The following FSTL4 variants were observed in gnomAD, a reference collection of about 807,000 sequenced individuals.
FSTL4 encodes follistatin-related protein 4.
FSTL4 carries 28 observed loss-of-function variants against 78.2 expected under a neutral mutation model. That is an observed-to-expected ratio of 0.36 (90% CI 0.27 to 0.49). The LOEUF (loss-of-function observed/expected upper bound fraction) is 0.49, where lower values mean the gene tolerates loss of function less well. Among genes scored for constraint, FSTL4 ranks in the 20% least tolerant of loss-of-function variants. The pLI is 0.98. For synonymous variants in FSTL4, 422 were observed against 440.5 expected (o/e 0.96, Z 0.53); for missense variants, 922 against 1,084.9 (o/e 0.85, Z 2.11).
chr5:133,220,660 G>A, intron 12 of FSTL4, 88 bp downstream of exon 12: 2 of 789,796 alleles, frequency 2.5e-6, no homozygotes, highest in South Asian at 3.0e-5. Flanking sequence ...TGGAATTTTA[G>A]AAATCAAATG....
intron 3 of FSTL4, among the ~76,000 whole-genome samples, chr5:133,515,171 A>G (rs1297462421): frequency 6.6e-6 from 1 of 152,226 alleles, no homozygotes; most frequent in Non-Finnish European, 1.5e-5. Flanking sequence ...TTTTAGAAAG[A>G]AAAGACTAAC....
chr5:133,622,433 G>A, the FSTL4 span, among the ~76,000 whole-genome samples: 3 of 152,064 alleles, frequency 2.0e-5, no homozygotes, highest in African/African-American at 7.2e-5. Flanking sequence ...ATAGTTACAT[G>A]TTTACTTCTT....
At chr5:133,303,169 G>A (rs1159080087) in intron 6 of FSTL4, among the ~76,000 whole-genome samples, 1 of 152,150 alleles carries the variant, frequency 6.6e-6, no homozygotes, top group African/African-American at 2.4e-5. Context: ...ACCACCTGGC[G>A]ACTCTCCTGC....
At chr5:133,798,945 T>A in the FSTL4 span, among the ~76,000 whole-genome samples, 2 of 86,304 alleles carry the variant, frequency 2.3e-5, no homozygotes, top group African/African-American at 7.8e-5. Flanking sequence ...AAGGAGAGGA[T>A]AAGGAAGGGA....
the FSTL4 span, among the ~76,000 whole-genome samples, chr5:133,757,311 T>C: frequency 3.9e-5 from 6 of 152,252 alleles, no homozygotes; most frequent in Admixed American, 3.9e-4. Context: ...CATTTATCAA[T>C]GAATATTTTA....
rs1331842786 is a variant in FSTL4, at chr5:133,533,578, G to A, written c.160+33608C>T. On this transcript the variant is annotated intron_variant, in intron 3 of 15. Coordinates refer to ENST00000265342, the MANE Select transcript of FSTL4 (RefSeq NM_015082.2). Reference sequence around the variant, plus strand: ...TTATACTTAAGCCACCCAGTCCGTGGTAATTTGTTACAGCAGCAATAGGAA... The same window carrying A: ...TTATACTTAAGCCACCCAGTCCGTGATAATTTGTTACAGCAGCAATAGGAA... Among the ~76,000 whole-genome samples the A allele has an allele frequency of 3.9e-5, 6 of 152,124 alleles. No homozygotes were observed. The East Asian group carries it at 1.2e-3, about 29-fold the overall frequency.
the FSTL4 span, among the ~76,000 whole-genome samples, chr5:133,737,839 G>A: frequency 9.2e-5 from 14 of 152,012 alleles, no homozygotes; most frequent in Non-Finnish European, 1.6e-4. Context: ...TCCTGACCTC[G>A]TGATCCACCT....
chr5:133,710,297 G>A, the FSTL4 span, among the ~76,000 whole-genome samples: 5 of 152,064 alleles, frequency 3.3e-5, no homozygotes, highest in South Asian at 6.2e-4. Flanking sequence ...ATACAAGCCC[G>A]GCCCTCCACC....
the FSTL4 span, among the ~76,000 whole-genome samples, chr5:133,645,052 C>A: frequency 6.6e-6 from 1 of 152,074 alleles, no homozygotes; most frequent in African/African-American, 2.4e-5. Context: ...CACCGGAGAC[C>A]TCATGACCCT....
chr5:133,745,418 C>T, the FSTL4 span, among the ~76,000 whole-genome samples: 7 of 152,246 alleles, frequency 4.6e-5, no homozygotes, highest in Non-Finnish European at 1.0e-4. Context: ...AAGAAGTCAG[C>T]CACAGAAGCT....
rs1761091696 is a variant in FSTL4, at chr5:133,611,519, G to T, written c.-11+806C>A. ...CAGAACTCGTCTTTGTTTTGCGGGC[G>T]CAAAGAGGGCGGAGATCATCCACAG... On this transcript the variant is annotated intron_variant, in intron 1 of 15. Coordinates refer to ENST00000265342, the MANE Select transcript of FSTL4 (RefSeq NM_015082.2). The surrounding 1 kb of genome is among the most constrained non-coding windows in gnomAD (Gnocchi z 4.9). 2.0e-5 allele frequency among the ~76,000 whole-genome samples: 3 copies of T among 152,316 alleles called. No homozygotes were observed. The South Asian group carries it at 6.2e-4, about 32-fold the overall frequency.
chr5:133,384,060 G>A (rs1028364026), intron 4 of FSTL4, among the ~76,000 whole-genome samples: 5 of 152,236 alleles, frequency 3.3e-5, no homozygotes, highest in Admixed American at 3.3e-4. Flanking sequence ...TGGGAAAAAT[G>A]TGATTGGCAG....
intron 4 of FSTL4, among the ~76,000 whole-genome samples, chr5:133,329,903 ACACGACATT>A (rs1754302823): frequency 6.6e-6 from 1 of 152,214 alleles, no homozygotes; most frequent in Non-Finnish European, 1.5e-5. Context: ...CTAATGTGTT[ACACGACATT>A]CACCCCCTTT....
At chr5:133,526,073 G>C (rs1182227716) in intron 3 of FSTL4, among the ~76,000 whole-genome samples, 1 of 152,130 alleles carries the variant, frequency 6.6e-6, no homozygotes, top group Non-Finnish European at 1.5e-5. Context: ...AGGAAAGCAC[G>C]ACTTTAACAG....
intron 3 of FSTL4, among the ~76,000 whole-genome samples, chr5:133,535,045 C>T (rs1029436703): frequency 2.0e-5 from 3 of 152,144 alleles, no homozygotes; most frequent in Admixed American, 6.5e-5. Context: ...TAACTGTGGT[C>T]GTAAGGAGGG....
intron 1 of FSTL4, among the ~76,000 whole-genome samples, chr5:133,607,216 G>T (rs1371565946): frequency 6.6e-6 from 1 of 152,152 alleles, no homozygotes; most frequent in African/African-American, 2.4e-5. Context: ...ACTTAACGGT[G>T]ATTGACAATT....
the FSTL4 span, among the ~76,000 whole-genome samples, chr5:133,773,940 C>G: frequency 1.3e-5 from 2 of 152,112 alleles, no homozygotes; most frequent in African/African-American, 4.8e-5. Flanking sequence ...TTAAAATTAT[C>G]ACTGGTCATG....
the FSTL4 span, among the ~76,000 whole-genome samples, chr5:133,787,043 T>G: frequency 6.6e-6 from 1 of 152,168 alleles, no homozygotes; most frequent in East Asian, 1.9e-4. Context: ...TGCACCACCC[T>G]GTACTCCTAG....
At chr5:133,315,385 G>C (rs763873104) in intron 5 of FSTL4, among the ~76,000 whole-genome samples, 1 of 152,140 alleles carries the variant, frequency 6.6e-6, no homozygotes, top group Admixed American at 6.5e-5. Flanking sequence ...ACATAACAAC[G>C]AACTCTTCTG....
Sources: gnomAD v4.1 joint callset for allele counts (sites outside exome capture counted in the v4.1 genomes callset) on GRCh38, gnomAD v4.1.1 for gene constraint, Gnocchi (gnomAD v3.1) non-coding constraint, MANE v1.5 for transcripts, NCBI Gene and HGNC (gene_info 2026-07-23, HGNC 2026-07-21) for gene names.